RNF212: variants seen among roughly 807,000 people sequenced by gnomAD.
The protein encoded by RNF212 is ring finger protein 212.
A neutral mutation model predicts 34.7 loss-of-function variants in RNF212; 33 were observed. The ratio of observed to expected loss-of-function variants is 0.95; its 90% CI spans 0.72 to 1.27. The LOEUF is 1.27. Ranked by LOEUF, RNF212 falls within the 50% of genes most tolerant of loss-of-function variation. The pLI, the probability that RNF212 is intolerant of heterozygous loss-of-function variation, is 0.00. For missense variants in RNF212, 377 were observed against 362.2 expected, an observed-to-expected ratio of 1.04 and a Z score of -0.33; for synonymous variants, 140 against 136.1, an observed-to-expected ratio of 1.03 and a Z score of -0.20.
At chr4:1,108,864 T>C (rs1380569126) in intron 1 of RNF212, among the ~76,000 whole-genome samples, 1 of 152,116 alleles carries the variant, frequency 6.6e-6, no homozygotes, top group African/African-American at 2.4e-5. Context: ...CACAGCCAGA[T>C]AATTTTTAAA....
In RNF212 at chr4:1,085,955, C is replaced by A; in HGVS notation, c.304-1G>T. On this transcript the variant is annotated splice_acceptor_variant, in intron 4 of 9. Transcript: ENST00000433731. LOFTEE classifies it high-confidence loss of function. ...TAAGGGATTCTTCCAACCTAGAAAT[C>A]TAAACATAATTACACAACCTCTTGT... The A allele has an allele frequency of 6.2e-7, 1 of 1,603,480 alleles. No homozygotes were observed. The highest frequency in any genetic ancestry group is 8.5e-7 in the Non-Finnish European group (1 of 1,171,166).
At chr4:1,113,678 G>A (rs1726195045), upstream of RNF212, 2 of 471,718 alleles carry the variant, frequency 4.2e-6, no homozygotes, top group Non-Finnish European at 7.5e-6. Context: ...TCGTCTCCCA[G>A]GTCGTTTGGG....
chr4:1,091,832 T>C (rs1722231968), intron 3 of RNF212, among the ~76,000 whole-genome samples: 1 of 152,146 alleles, frequency 6.6e-6, no homozygotes, highest in Admixed American at 6.5e-5. Context: ...CTTGGAGCTC[T>C]AGGGTTCTCC....
chr4:1,065,189 A>C (rs992031110), intron 3 of RNF212, among the ~76,000 whole-genome samples: 1 of 152,200 alleles, frequency 6.6e-6, no homozygotes, highest in African/African-American at 2.4e-5. Context: ...TGTGTTTTTA[A>C]GTTTTGGAGG....
chr4:1,070,388 G>A (rs1718384219), downstream of RNF212, among the ~76,000 whole-genome samples: 1 of 147,510 alleles, frequency 6.8e-6, no homozygotes. Context: ...TGGGTGCCTG[G>A]CCTGAGTTGT....
chr4:1,075,180 G>GC (rs1039371421), intron 8 of RNF212, among the ~76,000 whole-genome samples: 6 of 152,204 alleles, frequency 3.9e-5, no homozygotes, highest in Non-Finnish European at 8.8e-5. Context: ...GGCTGTGTAC[G>GC]CATCGGTGTG....
At chr4:1,085,308 A>C (rs1311797808) in intron 5 of RNF212, among the ~76,000 whole-genome samples, 1 of 152,268 alleles carries the variant, frequency 6.6e-6, no homozygotes, top group Non-Finnish European at 1.5e-5. Flanking sequence ...AATACGGCAA[A>C]AGCACGGATG....
At chr4:1,091,241 G>A (rs759588923) in intron 3 of RNF212, among the ~76,000 whole-genome samples, 3 of 152,230 alleles carry the variant, frequency 2.0e-5, no homozygotes, top group Non-Finnish European at 4.4e-5. Context: ...GACCCACAGA[G>A]CTGGCAGAGG....
chr4:1,110,657 AT>A (rs1245723842), intron 1 of RNF212, among the ~76,000 whole-genome samples: 1 of 152,188 alleles, frequency 6.6e-6, no homozygotes, highest in Non-Finnish European at 1.5e-5. Context: ...TAGACACACT[AT>A]TGCTTTTGTT....
chr4:1,065,252 A>G (rs1280447035), intron 3 of RNF212, among the ~76,000 whole-genome samples: 1 of 152,234 alleles, frequency 6.6e-6, no homozygotes, highest in Admixed American at 6.5e-5. Flanking sequence ...TCTCACCAAC[A>G]GTGCACATGC....
At chr4:1,067,755 C>A (rs1479137498), downstream of RNF212, among the ~76,000 whole-genome samples, 1 of 151,646 alleles carries the variant, frequency 6.6e-6, no homozygotes, top group Non-Finnish European at 1.5e-5. Context: ...TTAATCCCAG[C>A]TACTTGGGAG....
intron 4 of RNF212, 90 bp from the exon 5 acceptor site, chr4:1,086,044 G>A (rs756693949): frequency 6.9e-5 from 66 of 960,726 alleles, no homozygotes; most frequent in Admixed American, 2.4e-4. Flanking sequence ...GAATCAGAAT[G>A]TGGGTTACTC....
At chr4:1,088,393 G>A (rs1272026633) in intron 4 of RNF212, among the ~76,000 whole-genome samples, 3 of 152,218 alleles carry the variant, frequency 2.0e-5, no homozygotes, top group Admixed American at 6.5e-5. Context: ...AAGCAGCAAA[G>A]CGTTCAAGAT....
chr4:1,109,222 G>A (rs1725287245), intron 1 of RNF212, among the ~76,000 whole-genome samples: 1 of 152,106 alleles, frequency 6.6e-6, no homozygotes, highest in African/African-American at 2.4e-5. Context: ...TGGCCAGGCT[G>A]GTCTTGAACT....
intron 4 of RNF212, among the ~76,000 whole-genome samples, chr4:1,089,234 G>A (rs994319950): frequency 1.3e-5 from 2 of 152,342 alleles, no homozygotes; most frequent in Admixed American, 6.5e-5. Flanking sequence ...AAGGCCTTGG[G>A]AGCCCCCCTA....
intron 4 of RNF212, chr4:1,058,290 A>ACTCGTT: frequency 2.5e-6 from 1 of 392,882 alleles, no homozygotes; most frequent in Non-Finnish European, 3.4e-6. Context: ...GTTAGAACGC[A>ACTCGTT]GTGAAGAAGG....
At position 1,085,904 on chromosome 4, in the gene RNF212, T is replaced by C; in HGVS notation, c.354A>G (p.Gln118=). 1.2e-6 allele frequency: 2 copies of C among 1,611,926 alleles called. No individual in the cohort carries two copies. Among genetic ancestry groups the C allele is most frequent in the Non-Finnish European group, 1.7e-6 (2 of 1,178,610 alleles). ...GGGGTGGGGCGCCTTACCTTTGTAGTTGTTCTATCTGCAGCACTGACTTCC... is the reference window on the plus strand; with the variant it reads ...GGGGTGGGGCGCCTTACCTTTGTAGCTGTTCTATCTGCAGCACTGACTTCC... The part of the protein sequence containing the change: ...SLRKSVLQIE[Q]LQSMRSSQQT... The change falls in exon 5 of 10, where the codon CAA becomes CAG. Residue 118 remains glutamine, a synonymous_variant. Coordinates refer to ENST00000433731, the MANE Select transcript of RNF212 (RefSeq NM_001131034.4).
At chr4:1,085,699 T>C (rs926664260) in intron 5 of RNF212, 197 bp downstream of exon 5, 2 of 596,078 alleles carry the variant, frequency 3.4e-6, no homozygotes, top group Non-Finnish European at 6.0e-6. Context: ...TCTTTTTCAC[T>C]TTTTCTTTTT....
intron 4 of RNF212, among the ~76,000 whole-genome samples, chr4:1,086,857 T>G (rs1560125081): frequency 1.8e-3 from 1 of 548 alleles, no homozygotes; most frequent in Non-Finnish European, 3.0e-3. Flanking sequence ...GAGGATGGCA[T>G]GGGGGTGGAA....
Sources: allele counts gnomAD v4.1 joint callset (sites outside exome capture counted in the v4.1 genomes callset), GRCh38; gene constraint gnomAD v4.1.1; transcripts MANE v1.5; gene names NCBI Gene and HGNC (gene_info 2026-07-23, HGNC 2026-07-21).